KCTD8: variants seen among roughly 807,000 people sequenced by gnomAD.
The protein encoded by KCTD8 is potassium channel tetramerization domain containing 8, also known as BTB/POZ domain-containing protein KCTD8.
KCTD8 carries 27 observed loss-of-function variants against 31.5 expected under a neutral mutation model. The ratio of observed to expected loss-of-function variants is 0.86; its 90% CI spans 0.63 to 1.18. The LOEUF is 1.18. Among genes scored for constraint, KCTD8 ranks in the 50% most tolerant of loss-of-function variants. The pLI is 0.00. For synonymous variants in KCTD8, 290 were observed against 280.0 expected, an observed-to-expected ratio of 1.04 and a Z score of -0.36; for missense variants, 658 against 647.7, an observed-to-expected ratio of 1.02 and a Z score of -0.17.
At chr4:44,254,882 T>C (rs1715947589) in intron 1 of KCTD8, among the ~76,000 whole-genome samples, 1 of 151,868 alleles carries the variant, frequency 6.6e-6, no homozygotes, top group Non-Finnish European at 1.5e-5. Context: ...TAAGCATATA[T>C]CTATCTGGGC....
intron 1 of KCTD8, among the ~76,000 whole-genome samples, chr4:44,300,496 T>C (rs1717578478): frequency 6.6e-6 from 1 of 152,084 alleles, no homozygotes; most frequent in South Asian, 2.1e-4. Context: ...TATTCATGTA[T>C]AACATGAGAA....
chr4:44,254,535 C>G (rs1341887056), intron 1 of KCTD8, among the ~76,000 whole-genome samples: 2 of 151,712 alleles, frequency 1.3e-5, no homozygotes, highest in African/African-American at 4.8e-5. Context: ...CCACCCCCAC[C>G]CTCACAAAGA....
At chr4:44,180,498 G>A (rs967111781) in intron 1 of KCTD8, among the ~76,000 whole-genome samples, 5 of 151,964 alleles carry the variant, frequency 3.3e-5, no homozygotes, top group African/African-American at 1.2e-4. Flanking sequence ...TAAATGGCAA[G>A]TACAGTCTTA....
chr4:44,332,861 T>C (rs2109413314), intron 1 of KCTD8, among the ~76,000 whole-genome samples: 1 of 151,868 alleles, frequency 6.6e-6, no homozygotes, highest in East Asian at 1.9e-4. Context: ...AGACCAGAGA[T>C]TCTCAACTCT....
At position 44,447,639 on chromosome 4, in the gene KCTD8, G is replaced by A; in HGVS notation, c.885C>T (p.Ser295=). 1 of 1,608,638 alleles carries A rather than the reference G, an allele frequency of 6.2e-7. No individual in the cohort carries two copies. Among genetic ancestry groups the A allele is most frequent in the Non-Finnish European group, 8.5e-7 (1 of 1,177,770 alleles). The change falls in exon 1 of 2, where the codon TCC becomes TCT. Residue 295 remains serine (S), a synonymous_variant. Transcript: ENST00000360029. ...GGTTGACGAAGGCGGCGGTGCCCGA[G>A]GAGTTACACGCCACCATGTGGAAGC... is the stretch of plus-strand genomic sequence containing the variant. ...EAGFHMVACN[S]SGTAAFVNQY... is the part of the protein sequence containing the mutation.
intron 1 of KCTD8, among the ~76,000 whole-genome samples, chr4:44,412,506 T>C (rs992373305): frequency 3.9e-5 from 6 of 152,198 alleles, no homozygotes; most frequent in Non-Finnish European, 5.9e-5. Flanking sequence ...GGAAAAATGT[T>C]TGTATCCACA....
At chr4:44,241,954 T>TA (rs1426643426) in intron 1 of KCTD8, among the ~76,000 whole-genome samples, 1 of 152,154 alleles carries the variant, frequency 6.6e-6, no homozygotes, top group African/African-American at 2.4e-5. Context: ...TTCCATCACA[T>TA]AGTTAGGTTT....
intron 1 of KCTD8, among the ~76,000 whole-genome samples, chr4:44,263,448 T>C (rs781521905): frequency 3.3e-5 from 5 of 152,174 alleles, no homozygotes; most frequent in Non-Finnish European, 7.4e-5. Context: ...TTCTTAATCG[T>C]TTGCTGTTGC....
intron 1 of KCTD8, among the ~76,000 whole-genome samples, chr4:44,386,140 G>T (rs1013775337): frequency 1.3e-5 from 2 of 151,650 alleles, no homozygotes; most frequent in Admixed American, 1.3e-4. Context: ...ACAGGATGTT[G>T]ATTTCTTAAG....
chr4:44,271,587 G>C (rs766375587), intron 1 of KCTD8, among the ~76,000 whole-genome samples: 3 of 152,058 alleles, frequency 2.0e-5, no homozygotes, highest in Non-Finnish European at 4.4e-5. Flanking sequence ...TGAAGGTTGT[G>C]GGTTTACAGG....
intron 1 of KCTD8, among the ~76,000 whole-genome samples, chr4:44,295,182 G>C (rs1272269128): frequency 1.3e-5 from 2 of 152,258 alleles, no homozygotes; most frequent in East Asian, 3.9e-4. Context: ...TGTAGTTCCA[G>C]CTACTCTGGG....
intron 1 of KCTD8, among the ~76,000 whole-genome samples, chr4:44,234,671 G>C (rs1423702483): frequency 6.6e-6 from 1 of 152,092 alleles, no homozygotes; most frequent in African/African-American, 2.4e-5. Flanking sequence ...ACTCTCTTTT[G>C]CCCTCCCTCT....
chr4:44,428,852 T>C (rs1217959960), intron 1 of KCTD8, among the ~76,000 whole-genome samples: 1 of 151,802 alleles, frequency 6.6e-6, no homozygotes, highest in Non-Finnish European at 1.5e-5. Flanking sequence ...ATTAAAAATT[T>C]TGGGCTTAAT....
intron 1 of KCTD8, among the ~76,000 whole-genome samples, chr4:44,404,880 T>C (rs1377292697): frequency 6.6e-6 from 1 of 152,210 alleles, no homozygotes; most frequent in African/African-American, 2.4e-5. Flanking sequence ...GGTCAGACTT[T>C]CAGGAGCTAA....
chr4:44,188,134 A>G (rs1577818753), intron 1 of KCTD8, among the ~76,000 whole-genome samples: 1 of 152,298 alleles, frequency 6.6e-6, no homozygotes, highest in East Asian at 1.9e-4. Flanking sequence ...GCCTGCCAAT[A>G]AATGTTTTCA....
chr4:44,410,479 G>C (rs1043222148), intron 1 of KCTD8, among the ~76,000 whole-genome samples: 1 of 152,068 alleles, frequency 6.6e-6, no homozygotes. Flanking sequence ...AGCAGACAAA[G>C]GTTAAGTAAT....
intron 1 of KCTD8, among the ~76,000 whole-genome samples, chr4:44,383,191 A>T (rs965502158): frequency 8.5e-5 from 13 of 152,098 alleles, no homozygotes; most frequent in Non-Finnish European, 1.9e-4. Context: ...AATGAAAGAC[A>T]TCCCATGATC....
chr4:44,182,642 A>G (rs1409348528), intron 1 of KCTD8, among the ~76,000 whole-genome samples: 2 of 152,166 alleles, frequency 1.3e-5, no homozygotes, highest in African/African-American at 2.4e-5. Flanking sequence ...CCAGGGACAC[A>G]AACACTGCGG....
At chr4:44,191,900 G>A (rs1577821022) in intron 1 of KCTD8, among the ~76,000 whole-genome samples, 1 of 152,262 alleles carries the variant, frequency 6.6e-6, no homozygotes, top group South Asian at 2.1e-4. Context: ...GCCATTTGAA[G>A]CATGTGATCT....
Sources: gnomAD v4.1 joint callset for allele counts (sites outside exome capture counted in the v4.1 genomes callset) on GRCh38, gnomAD v4.1.1 for gene constraint, MANE v1.5 for transcripts, NCBI Gene and HGNC (gene_info 2026-07-23, HGNC 2026-07-21) for gene names.